The following BBIP1 variants were observed in gnomAD, a reference collection of about 807,000 sequenced individuals.
BBIP1 encodes the protein BBSome-interacting protein 1.
In BBIP1, 6 loss-of-function variants were observed where a neutral mutation model predicts 8.9. The ratio of observed to expected loss-of-function variants is 0.67; its 90% CI spans 0.37 to 1.33. The LOEUF is 1.33. BBIP1 is among the 40% of genes most tolerant of loss of function. The pLI, the probability that BBIP1 is intolerant of heterozygous loss-of-function variation, is 0.02. For missense variants in BBIP1, 111 were observed against 109.2 expected, an observed-to-expected ratio of 1.02 and a Z score of -0.07; for synonymous variants, 32 against 33.4, an observed-to-expected ratio of 0.96 and a Z score of 0.14.
chr10:110,912,008 G>A (rs1846289241), intron 2 of BBIP1: 1 of 152,118 alleles, frequency 6.6e-6, no homozygotes, highest in South Asian at 2.1e-4. Flanking sequence ...AATAAAATAT[G>A]AGGCAAACAG....
At chr10:110,918,022 G>T in intron 2 of BBIP1, 99 bp downstream of exon 2, 1 of 1,013,992 alleles carries the variant, frequency 9.9e-7, no homozygotes, top group South Asian at 1.4e-5. Flanking sequence ...AGTTCATTTT[G>T]GCTGGCGTGT....
intron 2 of BBIP1, among the ~76,000 whole-genome samples, chr10:110,912,654 TCAAGTCTTGGTTTCTAAAA>T (rs2134041803): frequency 6.6e-6 from 1 of 152,262 alleles, no homozygotes; most frequent in African/African-American, 2.4e-5. Flanking sequence ...GATGCCAAAG[TCAAGTCTTGGTTTCTAAAA>T]ATGTTCAGGA....
At chr10:110,905,819 ATAAC>A (rs1846119000) in intron 2 of BBIP1, among the ~76,000 whole-genome samples, 2 of 152,332 alleles carry the variant, frequency 1.3e-5, no homozygotes, top group South Asian at 4.1e-4. Context: ...ATATTTAAAA[ATAAC>A]TGTTACCTCA....
chr10:110,917,811 C>T (rs1029346905), intron 2 of BBIP1: 3 of 262,756 alleles, frequency 1.1e-5, no homozygotes, highest in African/African-American at 3.2e-5. Context: ...GGTAGTGAAG[C>T]TAAAAACATA....
intron 2 of BBIP1, among the ~76,000 whole-genome samples, chr10:110,915,191 C>G (rs1232121461): frequency 6.6e-6 from 1 of 152,124 alleles, no homozygotes; most frequent in East Asian, 1.9e-4. Context: ...GGGTCTCGCT[C>G]TGTTGCTCAG....
At position 110,900,407 on chromosome 10, in the gene BBIP1, G is replaced by T. The variant is rs767183949; in HGVS notation, c.232C>A (p.Arg78Ser). 1.3e-6 allele frequency: 2 copies of T among 1,535,514 alleles called. No homozygotes were observed. The highest frequency in any genetic ancestry group is 1.7e-6 in the Non-Finnish European group (2 of 1,146,738). Reference protein sequence around the residue: ...KMHQAAQNTIRQQEMAEKDQR... With the variant: ...KMHQAAQNTISQQEMAEKDQR... ...TCCTTTTCTGCCATTTCTTGTTGGC[G>T]AATTGTATTCTGTGCTGCTTGATGC... Residue 78 changes from arginine to serine, a missense_variant, in exon 4 of 4, where the codon CGC (arginine) becomes AGC (serine). By Grantham distance (110) the Arg-to-Ser change is moderately radical (BLOSUM62 -1). Transcript: ENST00000448814.
chr10:110,917,484 G>C (rs1348284118), intron 2 of BBIP1, among the ~76,000 whole-genome samples: 1 of 151,688 alleles, frequency 6.6e-6, no homozygotes, highest in Non-Finnish European at 1.5e-5. Context: ...ATAGATGATG[G>C]GTACATGAAT....
intron 2 of BBIP1, among the ~76,000 whole-genome samples, chr10:110,915,117 G>C (rs1212645376): frequency 6.6e-6 from 1 of 152,090 alleles, no homozygotes; most frequent in Non-Finnish European, 1.5e-5. Flanking sequence ...GATTTTTCTG[G>C]AGTTCTTCAG....
chr10:110,914,067 C>A (rs1485148059), intron 2 of BBIP1, among the ~76,000 whole-genome samples: 1 of 152,152 alleles, frequency 6.6e-6, no homozygotes, highest in Admixed American at 6.5e-5. Context: ...TCCTTCCTAC[C>A]ACCTATTGTT....
At chr10:110,919,057 T>G (rs1846533658) in intron 1 of BBIP1, 64 bp downstream of exon 1, 1 of 152,138 alleles carries the variant, frequency 6.6e-6, no homozygotes, top group Non-Finnish European at 1.5e-5. Flanking sequence ...TAATCCGGAG[T>G]ATGAATTAAC....
intron 2 of BBIP1, among the ~76,000 whole-genome samples, chr10:110,913,209 G>A (rs369817893): frequency 6.1e-4 from 93 of 152,324 alleles, no homozygotes; most frequent in African/African-American, 2.1e-3. Context: ...GCCAACCAGA[G>A]GTTTGGTTTT....
chr10:110,914,019 G>A (rs767494205), intron 2 of BBIP1, among the ~76,000 whole-genome samples: 11 of 152,166 alleles, frequency 7.2e-5, no homozygotes, highest in Non-Finnish European at 1.5e-4. Context: ...GGGAAGTGAT[G>A]CTTCACTTAG....
At chr10:110,917,869 A>G in intron 2 of BBIP1, 1 of 544,670 alleles carries the variant, frequency 1.8e-6, no homozygotes, top group Non-Finnish European at 3.3e-6. Context: ...AAAGATGTAC[A>G]AAAAATGCTA....
Position 110,899,782 on chromosome 10 carries a change from TG to T in BBIP1, c.*577del, listed in dbSNP as rs1476382871. 7.5e-6 allele frequency: 1 copy of T among 132,458 alleles called. No homozygotes were observed. The highest frequency in any genetic ancestry group is 1.6e-5 in the Non-Finnish European group (1 of 61,716). 8.2% of individuals were successfully genotyped at this position (132,458 alleles called of 1,614,324 possible). ...ATTGCTCTCGTTTGGGCAACAAGAG[TG>T]AAACTCTTGTCTCAAAAAAAAAAAA... On this transcript the variant is annotated 3_prime_UTR_variant, in exon 4 of 4. Transcript: ENST00000448814.
At chr10:110,916,879 T>C (rs1014152259) in intron 2 of BBIP1, among the ~76,000 whole-genome samples, 10 of 152,308 alleles carry the variant, frequency 6.6e-5, no homozygotes, top group African/African-American at 1.9e-4. Context: ...CTCTTCTTTG[T>C]AGGACACTGG....
chr10:110,906,917 A>G (rs1846157895), intron 2 of BBIP1: 1 of 152,240 alleles, frequency 6.6e-6, no homozygotes, highest in African/African-American at 2.4e-5. Flanking sequence ...ATTTTTTTCA[A>G]TCTTTGAACT....
At chr10:110,918,017 AT>A in intron 2 of BBIP1, 103 bp downstream of exon 2, 1 of 991,964 alleles carries the variant, frequency 1.0e-6, no homozygotes, top group Non-Finnish European at 1.5e-6. Context: ...AGAGTAGTTC[AT>A]TTTGGCTGGC....
chr10:110,905,641 C>G (rs1179707972), intron 2 of BBIP1, among the ~76,000 whole-genome samples: 1 of 151,740 alleles, frequency 6.6e-6, no homozygotes, highest in African/African-American at 2.4e-5. Context: ...TGAGACCAGA[C>G]TAGATCACTG....
chr10:110,902,769 G>GA (rs879617082), intron 2 of BBIP1: 5 of 152,212 alleles, frequency 3.3e-5, no homozygotes, highest in African/African-American at 4.8e-5. Context: ...AGCAGGGAGA[G>GA]ATGATGAAAT....
Sources: allele counts gnomAD v4.1 joint callset (sites outside exome capture counted in the v4.1 genomes callset), GRCh38; gene constraint gnomAD v4.1.1; transcripts MANE v1.5; gene names NCBI Gene and HGNC (gene_info 2026-07-23, HGNC 2026-07-21).